The following TNFSF4 variants were observed in gnomAD, a reference collection of about 807,000 sequenced individuals.
TNFSF4 encodes tumor necrosis factor ligand superfamily member 4.
A neutral mutation model predicts 7.3 loss-of-function variants in TNFSF4; 4 were observed. The observed-to-expected ratio is 0.55, with a 90% CI of 0.27 to 1.25. TNFSF4 has a LOEUF of 1.25. Ranked by LOEUF, TNFSF4 falls within the 50% of genes most tolerant of loss-of-function variation. The pLI is 0.12. For synonymous variants in TNFSF4, 76 were observed against 83.7 expected (o/e 0.91, Z 0.50); for missense variants, 181 against 208.8 (o/e 0.87, Z 0.82).
the TNFSF4 span, among the ~76,000 whole-genome samples, chr1:173,407,238 A>G: frequency 6.6e-6 from 1 of 152,068 alleles, no homozygotes; most frequent in African/African-American, 2.4e-5. Context: ...TCAGAACCTG[A>G]GGGTAGATCA....
At chr1:173,275,718 T>G in the TNFSF4 span, among the ~76,000 whole-genome samples, 1 of 152,090 alleles carries the variant, frequency 6.6e-6, no homozygotes, top group Non-Finnish European at 1.5e-5. Context: ...GGAAAAAAAG[T>G]TGTTGACAAT....
the TNFSF4 span, among the ~76,000 whole-genome samples, chr1:173,357,506 G>T: frequency 1.3e-5 from 2 of 151,960 alleles, no homozygotes; most frequent in Non-Finnish European, 2.9e-5. Flanking sequence ...AAGCAGTTCT[G>T]GGAGTTCCTG....
chr1:173,229,372 A>C, the TNFSF4 span, among the ~76,000 whole-genome samples: 1 of 152,164 alleles, frequency 6.6e-6, no homozygotes, highest in South Asian at 2.1e-4. Context: ...CTTTACAGAC[A>C]AGCAAGTGCT....
chr1:173,342,607 C>T, the TNFSF4 span, among the ~76,000 whole-genome samples: 326 of 152,276 alleles, frequency 2.1e-3, 1 homozygote, highest in African/African-American at 7.3e-3. Context: ...TTATCAACTG[C>T]CTGTCCTAAT....
the TNFSF4 span, among the ~76,000 whole-genome samples, chr1:173,324,300 G>A: frequency 5.9e-5 from 9 of 152,158 alleles, no homozygotes; most frequent in Non-Finnish European, 1.3e-4. Context: ...ATACTTTACA[G>A]ACAAGCAAAT....
At chr1:173,260,691 A>G in the TNFSF4 span, among the ~76,000 whole-genome samples, 1 of 152,222 alleles carries the variant, frequency 6.6e-6, no homozygotes, top group Non-Finnish European at 1.5e-5. Flanking sequence ...TCACAATCCC[A>G]GTTTCTGACA....
At chr1:173,396,198 C>CA in the TNFSF4 span, among the ~76,000 whole-genome samples, 1 of 152,158 alleles carries the variant, frequency 6.6e-6, no homozygotes, top group African/African-American at 2.4e-5. Context: ...ATCCAGGGAA[C>CA]AAAAATGGAA....
chr1:173,270,932 T>A, the TNFSF4 span, among the ~76,000 whole-genome samples: 2 of 152,250 alleles, frequency 1.3e-5, no homozygotes, highest in African/African-American at 4.8e-5. Context: ...GAGAGTACTT[T>A]TGAAAGTTCA....
chr1:173,379,163 G>C, the TNFSF4 span, among the ~76,000 whole-genome samples: 96,775 of 151,916 alleles, frequency 0.64, 31,016 homozygotes, highest in Admixed American at 0.69. Context: ...GGAGATATCT[G>C]GTATCTTAGT....
At chr1:173,385,604 G>A in the TNFSF4 span, among the ~76,000 whole-genome samples, 14 of 152,226 alleles carry the variant, frequency 9.2e-5, no homozygotes, top group Non-Finnish European at 1.9e-4. Context: ...TCGGGAGGCC[G>A]AGGCAGCTGG....
At chr1:173,412,117 GAAAAAA>G in the TNFSF4 span, among the ~76,000 whole-genome samples, 6 of 120,472 alleles carry the variant, frequency 5.0e-5, no homozygotes, top group Non-Finnish European at 8.2e-5. Context: ...TCCATCTCAA[GAAAAAA>G]AAAAAAAAAA....
At chr1:173,263,767 A>T in the TNFSF4 span, among the ~76,000 whole-genome samples, 1 of 152,226 alleles carries the variant, frequency 6.6e-6, no homozygotes, top group African/African-American at 2.4e-5. Flanking sequence ...CATGGGATTA[A>T]CCACTGAGTG....
At chr1:173,450,077 G>A in the TNFSF4 span, among the ~76,000 whole-genome samples, 1 of 152,090 alleles carries the variant, frequency 6.6e-6, no homozygotes, top group Non-Finnish European at 1.5e-5. Context: ...AGAAACATCA[G>A]AAATGAGAGA....
chr1:173,339,652 T>C, the TNFSF4 span, among the ~76,000 whole-genome samples: 1 of 152,226 alleles, frequency 6.6e-6, no homozygotes, highest in African/African-American at 2.4e-5. Context: ...TTAAGTATTG[T>C]TAATTTTACA....
chr1:173,295,915 A>G, the TNFSF4 span, among the ~76,000 whole-genome samples: 5 of 152,118 alleles, frequency 3.3e-5, no homozygotes, highest in Admixed American at 3.3e-4. Flanking sequence ...TCAAACTGAC[A>G]TCTTATCTTT....
At chr1:173,412,349 G>C in the TNFSF4 span, among the ~76,000 whole-genome samples, 50 of 152,232 alleles carry the variant, frequency 3.3e-4, no homozygotes, top group Admixed American at 4.6e-4. Flanking sequence ...AATCTCAAAT[G>C]CAACAAAAAC....
the TNFSF4 span, among the ~76,000 whole-genome samples, chr1:173,340,986 C>T: frequency 2.0e-5 from 3 of 152,102 alleles, no homozygotes; most frequent in African/African-American, 7.2e-5. Context: ...ATACTGTTCT[C>T]GTGATAGTGA....
At chr1:173,216,450 G>T in the TNFSF4 span, among the ~76,000 whole-genome samples, 1 of 152,022 alleles carries the variant, frequency 6.6e-6, no homozygotes, top group African/African-American at 2.4e-5. Flanking sequence ...ATGAACATAG[G>T]CAAGCTAACT....
At chr1:173,432,375 G>A in the TNFSF4 span, among the ~76,000 whole-genome samples, 1 of 152,176 alleles carries the variant, frequency 6.6e-6, no homozygotes, top group South Asian at 2.1e-4. Flanking sequence ...AGCCTTTATG[G>A]AAATAATTAA....
Sources: gnomAD v4.1 joint callset for allele counts (sites outside exome capture counted in the v4.1 genomes callset) on GRCh38, gnomAD v4.1.1 for gene constraint, MANE v1.5 for transcripts, NCBI Gene and HGNC (gene_info 2026-07-23, HGNC 2026-07-21) for gene names.